Variants in CACHD1 observed in about 807,000 individuals in gnomAD.
CACHD1 encodes the protein cache domain containing 1, also known as VWFA and cache domain-containing protein 1.
CACHD1 carries 71 observed loss-of-function variants against 138.7 expected under a neutral mutation model. The ratio of observed to expected loss-of-function variants is 0.51; its 90% CI spans 0.42 to 0.62. CACHD1 has a LOEUF of 0.62. CACHD1 is among the 20% of genes least tolerant of loss of function. The pLI, the probability that CACHD1 is intolerant of heterozygous loss-of-function variation, is 0.00. For synonymous variants in CACHD1, 578 were observed against 591.5 expected (o/e 0.98, Z 0.33); for missense variants, 1,389 against 1,625.3 (o/e 0.85, Z 2.50).
intron 1 of CACHD1, among the ~76,000 whole-genome samples, chr1:64,531,049 G>A (rs1646581387): frequency 6.6e-6 from 1 of 151,108 alleles, no homozygotes; most frequent in African/African-American, 2.4e-5. Flanking sequence ...GCAATGAACT[G>A]TATATCAGAT....
intron 22 of CACHD1, 84 bp downstream of exon 22, chr1:64,677,095 T>C: frequency 9.1e-7 from 1 of 1,094,100 alleles, no homozygotes; most frequent in Non-Finnish European, 1.4e-6. Context: ...GGTATGTCAG[T>C]TTTTCAGATC....
At chr1:64,507,017 T>G (rs1646382015) in intron 1 of CACHD1, among the ~76,000 whole-genome samples, 1 of 152,216 alleles carries the variant, frequency 6.6e-6, no homozygotes, top group Non-Finnish European at 1.5e-5. Flanking sequence ...TAAAACGAGA[T>G]TAATGATAAA....
At chr1:64,495,586 C>T (rs755868887) in intron 1 of CACHD1, among the ~76,000 whole-genome samples, 46 of 152,244 alleles carry the variant, frequency 3.0e-4, no homozygotes, top group Middle Eastern at 3.4e-3. Flanking sequence ...GGCAGATAAA[C>T]TTTGCCCTCA....
chr1:64,537,175 A>G (rs962584589), intron 1 of CACHD1, among the ~76,000 whole-genome samples: 4 of 152,104 alleles, frequency 2.6e-5, no homozygotes, highest in African/African-American at 9.7e-5. Flanking sequence ...AGGTCTGGGA[A>G]GGTGTCTCAG....
intron 1 of CACHD1, among the ~76,000 whole-genome samples, chr1:64,549,712 C>G (rs1192712379): frequency 6.6e-6 from 1 of 152,102 alleles, no homozygotes; most frequent in Non-Finnish European, 1.5e-5. Flanking sequence ...GCTGACATCT[C>G]CAGGTCTGAC....
At chr1:64,556,633 A>C (rs902863997) in intron 2 of CACHD1, among the ~76,000 whole-genome samples, 3 of 151,742 alleles carry the variant, frequency 2.0e-5, no homozygotes, top group African/African-American at 2.4e-5. Flanking sequence ...CTAATAAAAA[A>C]CATTTTGTGA....
chr1:64,484,182 G>A (rs900274515), intron 1 of CACHD1, among the ~76,000 whole-genome samples: 3 of 152,048 alleles, frequency 2.0e-5, no homozygotes, highest in Non-Finnish European at 4.4e-5. Flanking sequence ...AACTCTAAAA[G>A]GGAATCTGAA....
intron 2 of CACHD1, among the ~76,000 whole-genome samples, chr1:64,573,666 G>A (rs1296628118): frequency 6.6e-6 from 1 of 152,172 alleles, no homozygotes; most frequent in East Asian, 1.9e-4. Flanking sequence ...GGGGGCATGT[G>A]ACATTAACAT....
At position 64,664,576 on chromosome 1, in the gene CACHD1, AACACTT is replaced by A; in HGVS notation, c.2177_2182del (p.Thr726_Tyr727del). The A allele has an allele frequency of 6.2e-7, 1 of 1,614,208 alleles. No individual in the cohort carries two copies. The highest frequency in any genetic ancestry group is 8.5e-7 in the Non-Finnish European group (1 of 1,180,016). On this transcript the variant is annotated inframe_deletion, in exon 15 of 27. Coordinates refer to ENST00000651257, the MANE Select transcript of CACHD1 (RefSeq NM_020925.4). The stretch of plus-strand genomic sequence containing the variant: ...GACACAAATGGAAATGAGTAGCCTG[AACACTT>A]ACATTGTCCGCCGTTACATAGCAAC...
intron 4 of CACHD1, among the ~76,000 whole-genome samples, chr1:64,627,851 C>T (rs1028659033): frequency 3.3e-5 from 5 of 151,956 alleles, no homozygotes; most frequent in African/African-American, 9.7e-5. Context: ...CTAGGCTATA[C>T]GGGGGACAAG....
intron 1 of CACHD1, among the ~76,000 whole-genome samples, chr1:64,490,693 G>A (rs1216050551): frequency 1.3e-5 from 2 of 152,180 alleles, no homozygotes; most frequent in African/African-American, 4.8e-5. Flanking sequence ...CAAAGGAGTC[G>A]TGCAAAGGCA....
chr1:64,491,210 C>G (rs1297214283), intron 1 of CACHD1, among the ~76,000 whole-genome samples: 1 of 151,504 alleles, frequency 6.6e-6, no homozygotes, highest in Non-Finnish European at 1.5e-5. Context: ...ACCCAAAGCA[C>G]TGGGAAAAGC....
At chr1:64,566,245 G>T (rs12410422) in intron 2 of CACHD1, among the ~76,000 whole-genome samples, 91,008 of 152,022 alleles carry the variant, frequency 0.6, 29,983 homozygotes, top group Non-Finnish European at 0.72. Context: ...TCTGTTCCAT[G>T]TCTTGATGTG....
rs568694994 is a variant in CACHD1, at chr1:64,522,449, A to G, written c.199-28145A>G. Among the ~76,000 whole-genome samples, 12 of 152,234 alleles carry G rather than the reference A, an allele frequency of 7.9e-5. No individual in the cohort carries two copies. The East Asian group carries it at 1.5e-3, about 20-fold the overall frequency. The stretch of plus-strand genomic sequence containing the variant: ...CAGCCTCCCGAGTAGCTGGGATTAC[A>G]GGCACATGCAACCACGACCGGCTAA... On this transcript the variant is annotated intron_variant, in intron 1 of 26. Transcript: ENST00000651257.
Position 64,675,991 on chromosome 1 carries a change from AATTAATAAT to A in CACHD1, c.2975+10_2975+18del. ...CACCAATGCAGAGAACCGGTAAAATAATTAATAATAATAATAATAATAATAATAATAATA... is the reference window on the plus strand; with the variant it reads ...CACCAATGCAGAGAACCGGTAAAATAAATAATAATAATAATAATAATAATA... On this transcript the variant is annotated intron_variant, in intron 21 of 26. Transcript: ENST00000651257. 1 of 686,550 alleles carries A rather than the reference AATTAATAAT, an allele frequency of 1.5e-6. No homozygotes were observed. The highest frequency in any genetic ancestry group is 2.0e-6 in the Non-Finnish European group (1 of 491,588). The allele number at this position is 686,550 out of a possible 1,614,324, so 42.5% of individuals were successfully genotyped here.
intron 5 of CACHD1, among the ~76,000 whole-genome samples, chr1:64,632,164 G>A (rs1354724403): frequency 3.3e-5 from 5 of 150,102 alleles, no homozygotes; most frequent in Admixed American, 6.7e-5. Flanking sequence ...AGCAGAGGTT[G>A]TGCATATTTT....
At chr1:64,631,025 G>A (rs1648284766) in intron 5 of CACHD1, among the ~76,000 whole-genome samples, 1 of 152,144 alleles carries the variant, frequency 6.6e-6, no homozygotes, top group South Asian at 2.1e-4. Context: ...TGGAAGTATG[G>A]AATGGATTTC....
At position 64,470,996 on chromosome 1, in the gene CACHD1, C is replaced by G. The variant is rs151183132; in HGVS notation, c.198+54C>G. The stretch of plus-strand genomic sequence containing the variant: ...CCCGCCTTTCTCCTTTGCTCAAACT[C>G]CCATCCCACTCCCGGTACAAGTCCC... On this transcript the variant is annotated intron_variant, in intron 1 of 26. Transcript: ENST00000651257. The surrounding 1 kb of genome is among the most constrained non-coding windows in gnomAD (Gnocchi z 5.2). 15,958 of 1,503,926 alleles carry G rather than the reference C, an allele frequency of 0.011. 100 individuals are homozygous for G. Among genetic ancestry groups the G allele is most frequent in the Non-Finnish European group, 0.013 (14,392 of 1,114,638 alleles). 93.2% of individuals were successfully genotyped at this position (1,503,926 alleles called of 1,614,324 possible).
chr1:64,501,489 T>C (rs1220191547), intron 1 of CACHD1, among the ~76,000 whole-genome samples: 1 of 152,352 alleles, frequency 6.6e-6, no homozygotes, highest in South Asian at 2.1e-4. Context: ...TTGAACTGAT[T>C]TATGCCTTTT....
Sources: allele counts gnomAD v4.1 joint callset (sites outside exome capture counted in the v4.1 genomes callset), GRCh38; gene constraint gnomAD v4.1.1; non-coding constraint Gnocchi (gnomAD v3.1); transcripts MANE v1.5; gene names NCBI Gene and HGNC (gene_info 2026-07-23, HGNC 2026-07-21).